SPATA13: variants seen among roughly 807,000 people sequenced by gnomAD.
SPATA13 encodes spermatogenesis-associated protein 13.
A neutral mutation model predicts 104.0 loss-of-function variants in SPATA13; 50 were observed. That is an observed-to-expected ratio of 0.48 (90% confidence interval 0.38 to 0.61). The LOEUF (loss-of-function observed/expected upper bound fraction) is 0.61. Among genes scored for constraint, SPATA13 ranks in the 20% least tolerant of loss-of-function variants. The probability of loss-of-function intolerance (pLI) is 0.00; values close to 1 mark genes in which losing one functional copy is unlikely to be tolerated. For missense variants in SPATA13, 1,524 were observed against 1,690.6 expected (o/e 0.90, Z 1.73); for synonymous variants, 606 against 667.5 (o/e 0.91, Z 1.42).
chr13:24,166,636 C>T (rs1882743188), intron 1 of SPATA13, among the ~76,000 whole-genome samples: 1 of 152,202 alleles, frequency 6.6e-6, no homozygotes, highest in Non-Finnish European at 1.5e-5. Flanking sequence ...AGGGCTCCCA[C>T]CAGACCTATA....
At chr13:24,087,810 C>T (rs1286346290) in intron 3 of SPATA13, among the ~76,000 whole-genome samples, 2 of 152,170 alleles carry the variant, frequency 1.3e-5, no homozygotes, top group Non-Finnish European at 2.9e-5. Context: ...GGCTCCTGCT[C>T]CTCCCCAGAG....
rs1207739166 is a variant in SPATA13 at position 24,224,159 on chromosome 13, T to G, written c.1230T>G (p.Phe410Leu). ...GPHLDADTAV[F>L]PLETKSSWAV... ...ACCTAGACGCTGACACTGCCGTATT[T>G]CCTCTTGAAACCAAAAGTTCCTGGG... Residue 410 changes from phenylalanine to leucine, a missense_variant, in exon 2 of 13, where the codon TTT (phenylalanine) becomes TTG (leucine). Coordinates refer to ENST00000382108, the MANE Select transcript of SPATA13 (RefSeq NM_001166271.3). 4.5e-6 allele frequency: 7 copies of G among 1,551,622 alleles called. No homozygotes were observed. The Admixed American group carries it at 1.4e-4, about 30-fold the overall frequency.
At chr13:24,278,639 C>G in intron 4 of SPATA13, 2 of 1,482,914 alleles carry the variant, frequency 1.3e-6, no homozygotes, top group Non-Finnish European at 8.9e-7. Flanking sequence ...CATCATTCCA[C>G]TTGAGGCTCA....
chr13:24,234,002 G>A (rs1872433672), intron 2 of SPATA13, among the ~76,000 whole-genome samples: 1 of 151,692 alleles, frequency 6.6e-6, no homozygotes, highest in Admixed American at 6.6e-5. Context: ...CTTTCCAGTG[G>A]CTCATTTCTA....
At chr13:24,232,109 C>A (rs562333860) in intron 2 of SPATA13, among the ~76,000 whole-genome samples, 1 of 152,226 alleles carries the variant, frequency 6.6e-6, no homozygotes, top group South Asian at 2.1e-4. Context: ...GTACCAAGAT[C>A]TGCCATCTGC....
At chr13:24,076,829 C>T (rs1350979920) in intron 3 of SPATA13, among the ~76,000 whole-genome samples, 1 of 151,800 alleles carries the variant, frequency 6.6e-6, no homozygotes, top group Non-Finnish European at 1.5e-5. Context: ...GGGGCGTGTT[C>T]CAGCAAGGTC....
chr13:24,260,990 G>C (rs1218254719), intron 4 of SPATA13, among the ~76,000 whole-genome samples: 1 of 152,216 alleles, frequency 6.6e-6, no homozygotes, highest in African/African-American at 2.4e-5. Context: ...ACAAGTCAGA[G>C]GACCTCAGCT....
intron 3 of SPATA13, among the ~76,000 whole-genome samples, chr13:24,059,249 G>C (rs184050783): frequency 4.6e-5 from 7 of 151,692 alleles, no homozygotes; most frequent in Admixed American, 2.0e-4. Flanking sequence ...GGGATTACAG[G>C]TGTGGCCCAC....
intron 1 of SPATA13, among the ~76,000 whole-genome samples, chr13:24,212,868 T>C (rs115037833): frequency 0.012 from 1,883 of 152,306 alleles, 35 homozygotes; most frequent in African/African-American, 0.043. Context: ...GTTGCTGCCG[T>C]TGGGAGAAAC....
upstream of SPATA13, chr13:24,160,688 G>C (rs1394810522): frequency 1.5e-5 from 15 of 983,590 alleles, no homozygotes; most frequent in Non-Finnish European, 1.8e-5. Flanking sequence ...GGCGTGGCCT[G>C]GTGGGGAGCG....
intron 3 of SPATA13, among the ~76,000 whole-genome samples, chr13:24,139,903 T>TA (rs1223323772): frequency 3.9e-5 from 6 of 152,038 alleles, no homozygotes; most frequent in Admixed American, 6.5e-5. Flanking sequence ...CTGTCTCTAC[T>TA]AAAAAATTCA....
intron 4 of SPATA13, among the ~76,000 whole-genome samples, chr13:24,278,119 C>T (rs573277551): frequency 6.0e-4 from 92 of 152,266 alleles, no homozygotes; most frequent in Non-Finnish European, 1.2e-3. Context: ...GCAGGACATA[C>T]GGCTGCTCTC....
chr13:24,103,542 GA>G (rs1364719008), intron 3 of SPATA13, among the ~76,000 whole-genome samples: 2 of 138,352 alleles, frequency 1.4e-5, no homozygotes, highest in Admixed American at 7.0e-5. Flanking sequence ...GAGAGAGAGA[GA>G]AGAGAGAGAG....
intron 3 of SPATA13, among the ~76,000 whole-genome samples, chr13:24,022,043 TTTTC>T (rs962037821): frequency 2.7e-5 from 4 of 149,494 alleles, no homozygotes; most frequent in Non-Finnish European, 4.4e-5. Flanking sequence ...TTCTTTTCTC[TTTTC>T]TTTCTTTTTT....
At chr13:24,249,986 CTG>C in intron 3 of SPATA13, 144 bp downstream of exon 3, 7 of 1,127,578 alleles carry the variant, frequency 6.2e-6, no homozygotes, top group South Asian at 1.8e-5. Flanking sequence ...TTCTTCCTGA[CTG>C]TGTGAAAACA....
chr13:23,991,356 G>C (rs573509749), intron 2 of SPATA13, among the ~76,000 whole-genome samples: 1 of 152,286 alleles, frequency 6.6e-6, no homozygotes, highest in East Asian at 1.9e-4. Context: ...GGGACTTAGG[G>C]TCTAATCAGT....
chr13:24,014,878 G>GTTTTT (rs1876635311), intron 2 of SPATA13, among the ~76,000 whole-genome samples: 2 of 78,664 alleles, frequency 2.5e-5, no homozygotes, highest in Admixed American at 1.8e-4. Context: ...GCACTTTCTG[G>GTTTTT]ATTTTTTTTT....
At chr13:24,285,383 C>T (rs11149052) in intron 5 of SPATA13, among the ~76,000 whole-genome samples, 18,086 of 152,120 alleles carry the variant, frequency 0.12, 1,315 homozygotes, top group South Asian at 0.23. Flanking sequence ...GGCTCTGTGA[C>T]ATCTAGTACG....
chr13:24,070,373 T>A (rs1206940402), intron 3 of SPATA13, among the ~76,000 whole-genome samples: 1 of 152,136 alleles, frequency 6.6e-6, no homozygotes, highest in Non-Finnish European at 1.5e-5. Context: ...CTCACTTCCC[T>A]CAGGGTAGGG....
Sources: allele counts gnomAD v4.1 joint callset (sites outside exome capture counted in the v4.1 genomes callset), GRCh38; gene constraint gnomAD v4.1.1; transcripts MANE v1.5; gene names NCBI Gene and HGNC (gene_info 2026-07-23, HGNC 2026-07-21).